TRAT1: variants seen among roughly 807,000 people sequenced by gnomAD.
TRAT1 encodes T cell receptor associated transmembrane adaptor 1.
A neutral mutation model predicts 20.0 loss-of-function variants in TRAT1; 20 were observed. The ratio of observed to expected loss-of-function variants is 1.00; its 90% CI spans 0.70 to 1.45. The LOEUF (loss-of-function observed/expected upper bound fraction) is 1.45, where lower values mean the gene tolerates loss of function less well. TRAT1 is among the 40% of genes most tolerant of loss of function. TRAT1 has a pLI of 0.00. For synonymous variants in TRAT1, 77 were observed against 74.2 expected, an observed-to-expected ratio of 1.04 and a Z score of -0.20; for missense variants, 237 against 224.1, an observed-to-expected ratio of 1.06 and a Z score of -0.37.
Position 108,852,740 on chromosome 3 carries a change from C to T in TRAT1, c.304-880C>T, listed in dbSNP as rs191211387. ...CTTTCATATACATTATCTCTATGTA[C>T]TAACCATAACAACACTATGATGATT... On this transcript the variant is annotated intron_variant, in intron 5 of 5. Coordinates refer to ENST00000295756, the MANE Select transcript of TRAT1 (RefSeq NM_016388.4). 4.6e-5 allele frequency among the ~76,000 whole-genome samples: 7 copies of T among 152,278 alleles called. No individual in the cohort carries two copies. The East Asian group carries it at 1.4e-3, about 29-fold the overall frequency.
chr3:108,828,254 G>A (rs1945759667), intron 1 of TRAT1, among the ~76,000 whole-genome samples: 1 of 152,118 alleles, frequency 6.6e-6, no homozygotes, highest in Non-Finnish European at 1.5e-5. Context: ...TAAGTAGAAA[G>A]GAGATCGATT....
chr3:108,837,480 C>T lies in TRAT1; in HGVS notation c.119-1454C>T, dbSNP rs117101558. ...AGTTAATAACCTCTCTGGAGAATAA[C>T]TCAACTTTGTTACACATAAATTTAA... is the stretch of plus-strand genomic sequence containing the variant. On this transcript the variant is annotated intron_variant, in intron 2 of 5. Transcript: ENST00000295756. Among the ~76,000 whole-genome samples, 3 of 152,310 alleles carry T rather than the reference C, an allele frequency of 2.0e-5. No homozygotes were observed. In the East Asian group the frequency reaches 5.8e-4, roughly 29 times the overall value.
At position 108,831,586 on chromosome 3, in the gene TRAT1, C is replaced by A. The variant is rs148910116; in HGVS notation, c.118+806C>A. 9.1e-3 allele frequency among the ~76,000 whole-genome samples: 1,340 copies of A among 147,088 alleles called. 19 individuals are homozygous for A. Among genetic ancestry groups the A allele is most frequent in the African/African-American group, 0.032 (1,277 of 39,544 alleles). ...ACAGGATCTTGCTCTGTCGCCCAGG[C>A]TGGAATGCAGTGGCATGATTATAAC... On this transcript the variant is annotated intron_variant, in intron 2 of 5. Transcript: ENST00000295756.
chr3:108,826,315 C>T (rs868753748), intron 1 of TRAT1, among the ~76,000 whole-genome samples: 8 of 152,072 alleles, frequency 5.3e-5, no homozygotes, highest in Admixed American at 2.0e-4. Flanking sequence ...TTCTCTTTCC[C>T]CATCACAGCC....
In TRAT1 at chr3:108,824,201, C is replaced by G. The variant is rs1474926696; in HGVS notation, c.7+1267C>G. 1.7e-4 allele frequency among the ~76,000 whole-genome samples: 26 copies of G among 152,132 alleles called. 1 individual carries two copies. On this transcript the variant is annotated intron_variant, in intron 1 of 5. Transcript: ENST00000295756. Reference sequence around the variant, plus strand: ...TATACAGTTTTTAAAAATATTTTTACATGACAGAAAGATGAACAACTCTAT... The same window carrying G: ...TATACAGTTTTTAAAAATATTTTTAGATGACAGAAAGATGAACAACTCTAT...
chr3:108,849,134 T>C, intron 4 of TRAT1, 32 bp from the exon 5 acceptor site: 1 of 1,572,014 alleles, frequency 6.4e-7, no homozygotes, highest in Non-Finnish European at 8.7e-7. Flanking sequence ...TTAAATTTTC[T>C]ATTGTGAATC....
At position 108,853,874 on chromosome 3, in the gene TRAT1, C is replaced by T. The variant is rs1946022302; in HGVS notation, c.558C>T (p.Asn186=). Reference sequence around the variant, plus strand: ...TCCGTGCTAAGAGAGAACCTATAAACTAGCTGGACCATGATCTAGTTCAAT... The same window carrying T: ...TCCGTGCTAAGAGAGAACCTATAAATTAGCTGGACCATGATCTAGTTCAAT... The part of the protein sequence containing the change: ...GLIRAKREPI[N] Residue 186 remains asparagine, a synonymous_variant, in exon 6 of 6, where the codon AAC becomes AAT. Transcript: ENST00000295756. 1.9e-6 allele frequency: 3 copies of T among 1,613,210 alleles called. No individual in the cohort carries two copies. Among genetic ancestry groups the T allele is most frequent in the Admixed American group, 3.3e-5 (2 of 59,976 alleles).
At chr3:108,851,412 C>T (rs924200000) in intron 5 of TRAT1, among the ~76,000 whole-genome samples, 11 of 152,186 alleles carry the variant, frequency 7.2e-5, no homozygotes, top group African/African-American at 2.4e-4. Context: ...GCTTGCTCCT[C>T]TTCTCTTCAT....
rs2399254 is a variant in TRAT1, at chr3:108,847,216, A to G, written c.214+87A>G. ...TTAAGTGGCGCTTTAAAAAAATCAA[A>G]TCACACTTAGCTATCCCAGTGATAA... is the stretch of plus-strand genomic sequence containing the variant. On this transcript the variant is annotated intron_variant, in intron 4 of 5. Coordinates refer to ENST00000295756, the MANE Select transcript of TRAT1 (RefSeq NM_016388.4). The G allele has an allele frequency of 2.2e-3, 1,681 of 767,320 alleles. 30 individuals are homozygous for G. In the African/African-American group the frequency reaches 0.027, roughly 12 times the overall value. 47.5% of individuals were successfully genotyped at this position (767,320 alleles called of 1,614,324 possible).
At chr3:108,842,623 T>C (rs1034372673) in intron 3 of TRAT1, among the ~76,000 whole-genome samples, 1 of 152,232 alleles carries the variant, frequency 6.6e-6, no homozygotes, top group African/African-American at 2.4e-5. Flanking sequence ...TAAGCAATTC[T>C]GAGAATTTCG....
Position 108,847,079 on chromosome 3 carries a change from A to AT in TRAT1, c.166dup (p.Tyr56LeufsTer3), listed in dbSNP as rs1324303673. The AT allele has an allele frequency of 6.5e-7, 1 of 1,532,672 alleles. No homozygotes were observed. 94.9% of individuals were successfully genotyped at this position (1,532,672 alleles called of 1,614,324 possible). On this transcript the variant is annotated frameshift_variant, in exon 4 of 6. Transcript: ENST00000295756. LOFTEE classifies it high-confidence loss of function. The stretch of plus-strand genomic sequence containing the variant: ...TTTCCTTGTTATAGGGTTGATGAGT[A>AT]TTATATTGAAGACACACCAATTTAT...
chr3:108,831,611 C>T (rs1170274556), intron 2 of TRAT1, among the ~76,000 whole-genome samples: 1 of 146,896 alleles, frequency 6.8e-6, no homozygotes, highest in African/African-American at 2.5e-5. Context: ...ATGATTATAA[C>T]TCACTGCAGC....
intron 5 of TRAT1, among the ~76,000 whole-genome samples, chr3:108,850,377 T>A (rs1174123931): frequency 6.6e-6 from 1 of 151,514 alleles, no homozygotes; most frequent in Non-Finnish European, 1.5e-5. Context: ...CAATCTCCAC[T>A]CACTGCAACC....
intron 3 of TRAT1, among the ~76,000 whole-genome samples, chr3:108,843,480 AG>A (rs1945913697): frequency 6.6e-6 from 1 of 152,166 alleles, no homozygotes; most frequent in African/African-American, 2.4e-5. Context: ...CAGTGAGCCA[AG>A]ATCACACCAC....
At chr3:108,841,436 G>A (rs976370356) in intron 3 of TRAT1, among the ~76,000 whole-genome samples, 26 of 151,944 alleles carry the variant, frequency 1.7e-4, no homozygotes, top group Admixed American at 9.8e-4. Context: ...ACCAGTAAGC[G>A]AACTAAAAAC....
intron 1 of TRAT1, among the ~76,000 whole-genome samples, chr3:108,830,221 C>T (rs1034533538): frequency 6.6e-6 from 1 of 152,228 alleles, no homozygotes; most frequent in African/African-American, 2.4e-5. Context: ...CCCAACACAT[C>T]GTATTCTATA....
chr3:108,833,062 C>G (rs559162031), intron 2 of TRAT1, among the ~76,000 whole-genome samples: 82 of 152,272 alleles, frequency 5.4e-4, no homozygotes, highest in Middle Eastern at 3.4e-3. Context: ...ATGCAAACTC[C>G]TTTGTGTAGT....
intron 3 of TRAT1, among the ~76,000 whole-genome samples, chr3:108,844,455 A>AAATAATTAAAT (rs1426134929): frequency 6.6e-6 from 1 of 151,632 alleles, no homozygotes; most frequent in African/African-American, 2.4e-5. Context: ...AGTTATTTAA[A>AAATAATTAAAT]TGGACTTTGA....
chr3:108,840,305 C>A (rs976660159), intron 3 of TRAT1, among the ~76,000 whole-genome samples: 1 of 152,060 alleles, frequency 6.6e-6, no homozygotes, highest in Non-Finnish European at 1.5e-5. Flanking sequence ...TTTTACAACA[C>A]ATAATGATGA....
Sources: gnomAD v4.1 joint callset for allele counts (sites outside exome capture counted in the v4.1 genomes callset) on GRCh38, gnomAD v4.1.1 for gene constraint, MANE v1.5 for transcripts, NCBI Gene and HGNC (gene_info 2026-07-23, HGNC 2026-07-21) for gene names.